WWTR1: variants seen among roughly 807,000 people sequenced by gnomAD.
The protein encoded by WWTR1 is WW domain-containing transcription regulator protein 1.
WWTR1 carries 13 observed loss-of-function variants against 40.1 expected under a neutral mutation model. The observed-to-expected ratio is 0.32, with a 90% confidence interval of 0.21 to 0.52. The LOEUF (loss-of-function observed/expected upper bound fraction) is 0.52. Among genes scored for constraint, WWTR1 ranks in the 20% least tolerant of loss-of-function variants. WWTR1 has a pLI of 0.97. For missense variants in WWTR1, 436 were observed against 523.1 expected, an observed-to-expected ratio of 0.83 and a Z score of 1.63; for synonymous variants, 230 against 210.1, an observed-to-expected ratio of 1.09 and a Z score of -0.82.
intron 2 of WWTR1, among the ~76,000 whole-genome samples, chr3:149,589,044 T>C (rs1056444143): frequency 1.3e-5 from 2 of 152,292 alleles, no homozygotes; most frequent in East Asian, 3.9e-4. Flanking sequence ...GCTGTTTGAG[T>C]GAGCGGGAGA....
intron 2 of WWTR1, among the ~76,000 whole-genome samples, chr3:149,592,888 C>T (rs747586124): frequency 6.6e-6 from 1 of 152,160 alleles, no homozygotes; most frequent in Non-Finnish European, 1.5e-5. Context: ...TTGAACCCAG[C>T]TGTTCAATCT....
At chr3:149,577,539 C>A (rs983785434) in intron 2 of WWTR1, among the ~76,000 whole-genome samples, 1 of 152,100 alleles carries the variant, frequency 6.6e-6, no homozygotes, top group Non-Finnish European at 1.5e-5. Flanking sequence ...AATTCCTGGC[C>A]TCCAATTACA....
Position 149,648,392 on chromosome 3 carries a change from C to T in WWTR1, c.431+8484G>A, listed in dbSNP as rs371428640. ...AAGCAAGACAAACATCGTTCTTCCC[C>T]TGATGGAGGTTACAGTGCAGTAAAA... is the stretch of plus-strand genomic sequence containing the variant. On this transcript the variant is annotated intron_variant, in intron 2 of 6. Coordinates refer to ENST00000360632, the MANE Select transcript of WWTR1 (RefSeq NM_015472.6). 5.3e-4 allele frequency among the ~76,000 whole-genome samples: 80 copies of T among 152,144 alleles called. 2 individuals are homozygous for T. In the South Asian group the frequency reaches 8.3e-3, roughly 16 times the overall value.
chr3:149,549,977 C>T (rs1483259141), intron 3 of WWTR1, among the ~76,000 whole-genome samples: 1 of 152,124 alleles, frequency 6.6e-6, no homozygotes, highest in African/African-American at 2.4e-5. Context: ...TAATAACTGG[C>T]TCACTAATTA....
intron 4 of WWTR1, among the ~76,000 whole-genome samples, chr3:149,536,483 G>GT (rs201017048): frequency 0.075 from 9,009 of 119,912 alleles, 311 homozygotes; most frequent in African/African-American, 0.13. Context: ...AAAAAAAAAA[G>GT]GGGGGGGCCT....
intron 2 of WWTR1, among the ~76,000 whole-genome samples, chr3:149,636,139 T>C (rs1427520779): frequency 2.0e-5 from 3 of 152,326 alleles, no homozygotes; most frequent in Non-Finnish European, 2.9e-5. Flanking sequence ...TAAACTTTCT[T>C]TGAAGTTTGT....
chr3:149,541,012 T>C, intron 4 of WWTR1: 1 of 456,038 alleles, frequency 2.2e-6, no homozygotes, highest in South Asian at 1.6e-5. Context: ...AAACAGCATT[T>C]ACCCTAACAT....
upstream of WWTR1, among the ~76,000 whole-genome samples, chr3:149,659,061 GGGAAGTA>G (rs771811064): frequency 5.5e-4 from 83 of 152,292 alleles, no homozygotes; most frequent in Middle Eastern, 3.4e-3. Flanking sequence ...AAACAGCTGC[GGGAAGTA>G]GGAGGAGGCC....
intron 1 of WWTR1, among the ~76,000 whole-genome samples, chr3:149,700,886 A>G (rs999933327): frequency 1.3e-5 from 2 of 152,208 alleles, no homozygotes; most frequent in Non-Finnish European, 2.9e-5. Context: ...CTTCGTAGGT[A>G]ACAAGCCCAA....
chr3:149,577,290 A>AGAATAGCAG (rs1368206119), intron 2 of WWTR1, among the ~76,000 whole-genome samples: 5 of 152,222 alleles, frequency 3.3e-5, no homozygotes, highest in African/African-American at 1.2e-4. Context: ...ATAAAGAAAA[A>AGAATAGCAG]GAATAGCAGT....
At chr3:149,541,747 G>A (rs963879751) in intron 4 of WWTR1, among the ~76,000 whole-genome samples, 13 of 152,000 alleles carry the variant, frequency 8.6e-5, no homozygotes, top group African/African-American at 3.1e-4. Flanking sequence ...AGCTGCTATG[G>A]AATGAGTACC....
intron 4 of WWTR1, among the ~76,000 whole-genome samples, chr3:149,529,616 T>C (rs1735476352): frequency 6.6e-6 from 1 of 152,224 alleles, no homozygotes; most frequent in Non-Finnish European, 1.5e-5. Context: ...AAGTGCCTTC[T>C]GAATAAACCT....
intron 1 of WWTR1, among the ~76,000 whole-genome samples, chr3:149,699,369 C>T (rs1715097205): frequency 6.6e-6 from 1 of 151,060 alleles, no homozygotes; most frequent in South Asian, 2.1e-4. Flanking sequence ...TCTTGGTTCA[C>T]CGCAACCTCT....
At chr3:149,650,379 C>T (rs562748109) in intron 2 of WWTR1, among the ~76,000 whole-genome samples, 7 of 152,288 alleles carry the variant, frequency 4.6e-5, no homozygotes, top group African/African-American at 1.7e-4. Flanking sequence ...TGTTATATGA[C>T]CCCAGGACAT....
intron 2 of WWTR1, among the ~76,000 whole-genome samples, chr3:149,651,829 C>CT (rs764013293): frequency 0.38 from 45,001 of 118,016 alleles, 9,642 homozygotes; most frequent in Middle Eastern, 0.54. Flanking sequence ...TATGGATTTT[C>CT]TTTTTTTTTT....
At chr3:149,585,557 ATTT>A (rs11309780) in intron 2 of WWTR1, among the ~76,000 whole-genome samples, 1 of 148,464 alleles carries the variant, frequency 6.7e-6, no homozygotes, top group Non-Finnish European at 1.5e-5. Context: ...GCACCCCACA[ATTT>A]TTTTTTTTTT....
chr3:149,528,153 T>C (rs1735417535), intron 4 of WWTR1, among the ~76,000 whole-genome samples, 184 bp from the exon 5 acceptor site: 1 of 152,216 alleles, frequency 6.6e-6, no homozygotes, highest in Non-Finnish European at 1.5e-5. Flanking sequence ...ATAAGTCACT[T>C]CACATTCACA....
At chr3:149,541,073 T>C (rs1258061884) in intron 4 of WWTR1, 2 of 455,812 alleles carry the variant, frequency 4.4e-6, no homozygotes, top group African/African-American at 4.0e-5. Flanking sequence ...AACTACTTAT[T>C]TCTCTAATTT....
chr3:149,620,572 A>ACC, intron 2 of WWTR1, among the ~76,000 whole-genome samples: 1 of 62,738 alleles, frequency 1.6e-5, no homozygotes, highest in East Asian at 3.3e-4. Flanking sequence ...GCTCCCCCCC[A>ACC]CACACACACA....
Sources: gnomAD v4.1 joint callset for allele counts (sites outside exome capture counted in the v4.1 genomes callset) on GRCh38, gnomAD v4.1.1 for gene constraint, MANE v1.5 for transcripts, NCBI Gene and HGNC (gene_info 2026-07-23, HGNC 2026-07-21) for gene names.